The following TMEM245 variants were observed in gnomAD, a reference collection of about 807,000 sequenced individuals.
TMEM245 encodes the protein protein CG-2.
Under a neutral mutation model 101.2 loss-of-function variants are expected in TMEM245, and 69 were observed. The ratio of observed to expected loss-of-function variants is 0.68; its 90% CI spans 0.56 to 0.83. TMEM245 has a LOEUF of 0.83. Ranked by LOEUF, TMEM245 falls within the 40% of genes least tolerant of loss-of-function variation. The probability of loss-of-function intolerance (pLI) is 0.00; values close to 1 mark genes in which losing one functional copy is unlikely to be tolerated. For missense variants in TMEM245, 1,075 were observed against 1,092.8 expected, an observed-to-expected ratio of 0.98 and a Z score of 0.23; for synonymous variants, 537 against 449.8, an observed-to-expected ratio of 1.19 and a Z score of -2.45.
chr9:109,049,309 C>CTCAA (rs1296483986), intron 14 of TMEM245, among the ~76,000 whole-genome samples: 2 of 152,170 alleles, frequency 1.3e-5, no homozygotes, highest in African/African-American at 4.8e-5. Context: ...ATCTTCCAGG[C>CTCAA]TCAAGCAATC....
intron 10 of TMEM245, among the ~76,000 whole-genome samples, chr9:109,062,528 C>A (rs1009462466): frequency 6.6e-6 from 1 of 152,200 alleles, no homozygotes; most frequent in Non-Finnish European, 1.5e-5. Flanking sequence ...TAGTTTACAA[C>A]ATCTATTTCC....
chr9:109,074,240 T>C (rs996002897), intron 8 of TMEM245, among the ~76,000 whole-genome samples: 1 of 151,914 alleles, frequency 6.6e-6, no homozygotes, highest in African/African-American at 2.4e-5. Flanking sequence ...AACCAACAAA[T>C]TGAGGGAGAT....
At chr9:109,038,984 G>A (rs974031675) in intron 14 of TMEM245, 2 of 152,238 alleles carry the variant, frequency 1.3e-5, no homozygotes, top group Non-Finnish European at 2.9e-5. Flanking sequence ...GGGTGGTGCA[G>A]AGGGGTGCAG....
chr9:109,018,742 T>G lies in TMEM245; in HGVS notation c.*1718A>C, dbSNP rs1247658603. 1 of 151,806 alleles carries G rather than the reference T, an allele frequency of 6.6e-6. No individual in the cohort carries two copies. The highest frequency in any genetic ancestry group is 2.4e-5 in the African/African-American group (1 of 41,332). The allele number at this position is 151,806 out of a possible 1,614,324, so 9.4% of individuals were successfully genotyped here. ...GCTTAAGAACTACCCCCCAACACTT[T>G]TTTTTTTCCTTGGGACAGTGTCTCA... On this transcript the variant is annotated 3_prime_UTR_variant, in exon 18 of 18. Transcript: ENST00000374586.
intron 6 of TMEM245, among the ~76,000 whole-genome samples, chr9:109,086,635 G>A (rs1829847605): frequency 6.6e-6 from 1 of 152,122 alleles, no homozygotes; most frequent in Admixed American, 6.5e-5. Flanking sequence ...GGAAACCAAG[G>A]CACAGAAAGG....
intron 12 of TMEM245, among the ~76,000 whole-genome samples, chr9:109,053,981 T>C (rs1348807695): frequency 6.6e-6 from 1 of 152,196 alleles, no homozygotes; most frequent in Non-Finnish European, 1.5e-5. Flanking sequence ...GGAAGGGACA[T>C]GAGTCACGTG....
chr9:109,080,759 CCTTCTG>C, intron 8 of TMEM245, 74 bp downstream of exon 8: 1 of 841,496 alleles, frequency 1.2e-6, no homozygotes, highest in Non-Finnish European at 1.9e-6. Flanking sequence ...TTTCCATGCC[CCTTCTG>C]CTAGCTTTTA....
chr9:109,101,985 T>G (rs1830292878), intron 3 of TMEM245, among the ~76,000 whole-genome samples: 1 of 150,902 alleles, frequency 6.6e-6, no homozygotes, highest in Non-Finnish European at 1.5e-5. Flanking sequence ...AATTACTTAC[T>G]TGGCCCTGGA....
intron 11 of TMEM245, among the ~76,000 whole-genome samples, chr9:109,059,926 A>G (rs1161778897): frequency 6.6e-6 from 1 of 151,988 alleles, no homozygotes; most frequent in East Asian, 1.9e-4. Flanking sequence ...AAATGATATA[A>G]AATATCTTAT....
chr9:109,054,283 G>A (rs1319654082), intron 12 of TMEM245, among the ~76,000 whole-genome samples: 1 of 152,180 alleles, frequency 6.6e-6, no homozygotes, highest in Non-Finnish European at 1.5e-5. Flanking sequence ...GGTCAAGGAT[G>A]CAGTAAGCCA....
intron 3 of TMEM245, among the ~76,000 whole-genome samples, chr9:109,098,842 T>C (rs1830209506): frequency 6.6e-6 from 1 of 152,126 alleles, no homozygotes; most frequent in Non-Finnish European, 1.5e-5. Context: ...ACAAGCATGC[T>C]ACTGACATTA....
chr9:109,035,323 G>GAGAA (rs1435702156), intron 16 of TMEM245, among the ~76,000 whole-genome samples: 16 of 152,114 alleles, frequency 1.1e-4, no homozygotes, highest in African/African-American at 3.4e-4. Flanking sequence ...ACACTATGAT[G>GAGAA]TTCAGCTTTT....
Position 109,116,530 on chromosome 9 carries a change from T to C in TMEM245, c.579+2805A>G, listed in dbSNP as rs55833892. On this transcript the variant is annotated intron_variant, in intron 1 of 17. Transcript: ENST00000374586. Reference sequence around the variant, plus strand: ...ACTGTGCCTGGCCTTTAATCAGCACTTTTTTTTTTCTTTTTTTTTGAGACA... The same window carrying C: ...ACTGTGCCTGGCCTTTAATCAGCACCTTTTTTTTTCTTTTTTTTTGAGACA... Among the ~76,000 whole-genome samples the C allele has an allele frequency of 8.1e-4, 116 of 143,496 alleles. 1 individual carries two copies. Among genetic ancestry groups the C allele is most frequent in the Non-Finnish European group, 1.1e-3 (74 of 66,846 alleles). The allele number at this position is 143,496 out of a possible 152,430, so 94.1% of individuals were successfully genotyped here. A position where few individuals can be genotyped will look rare whatever the true frequency, so the allele number is the denominator to read the frequency against.
In TMEM245 at chr9:109,050,381, C is replaced by G. The variant is rs1168416882; in HGVS notation, c.2025G>C (p.Glu675Asp). 1.9e-6 allele frequency: 3 copies of G among 1,614,046 alleles called. No homozygotes were observed. The highest frequency in any genetic ancestry group is 2.5e-6 in the Non-Finnish European group (3 of 1,180,010). Reference protein sequence around the residue: ...TLFYLLSSSDEYYKPVKWVIS... With the variant: ...TLFYLLSSSDDYYKPVKWVIS... The stretch of plus-strand genomic sequence containing the variant: ...TCACCCACTTCACTGGCTTGTAGTA[C>G]TCATCACTGGAACTTAATAGATAAA... Residue 675 changes from glutamate to aspartate, a missense_variant, in exon 14 of 18, where the codon GAG becomes GAC. This residue lies in a region of TMEM245 where 267 missense variants were observed against 351.3 expected (regional missense o/e 0.76). Transcript: ENST00000374586.
chr9:109,064,030 G>A (rs1829092488), intron 10 of TMEM245, among the ~76,000 whole-genome samples: 1 of 152,074 alleles, frequency 6.6e-6, no homozygotes, highest in Non-Finnish European at 1.5e-5. Context: ...GCTGAGTCTT[G>A]TTTCCTCATC....
chr9:109,035,358 G>A (rs1215272442), intron 16 of TMEM245, among the ~76,000 whole-genome samples: 1 of 151,996 alleles, frequency 6.6e-6, no homozygotes, highest in Non-Finnish European at 1.5e-5. Flanking sequence ...AAGTTTTAAT[G>A]TGACTGAGAA....
chr9:109,023,774 T>C (rs946293457), intron 17 of TMEM245, among the ~76,000 whole-genome samples: 5 of 149,714 alleles, frequency 3.3e-5, no homozygotes, highest in Admixed American at 2.0e-4. Flanking sequence ...AGGTGGAGCT[T>C]GCAGTGAGCC....
At chr9:109,103,523 T>C (rs1830331200) in intron 3 of TMEM245, among the ~76,000 whole-genome samples, 2 of 152,110 alleles carry the variant, frequency 1.3e-5, no homozygotes, top group Admixed American at 6.5e-5. Flanking sequence ...ATGTGGTACT[T>C]ATACACAATG....
chr9:109,093,393 T>G (rs1830059289), intron 4 of TMEM245, 82 bp downstream of exon 4: 2 of 1,137,034 alleles, frequency 1.8e-6, no homozygotes, highest in Non-Finnish European at 2.6e-6. Flanking sequence ...TAGCATTTTG[T>G]GATGCTGGTG....
Sources: allele counts gnomAD v4.1 joint callset (sites outside exome capture counted in the v4.1 genomes callset), GRCh38; gene constraint gnomAD v4.1.1; regional missense constraint gnomAD v4.1.1; transcripts MANE v1.5; gene names NCBI Gene and HGNC (gene_info 2026-07-23, HGNC 2026-07-21).